Variants in RAP1GAP observed in about 807,000 individuals in gnomAD.
RAP1GAP encodes RAP1 GTPase activating protein, also known as rap1 GTPase-activating protein 1.
RAP1GAP carries 35 observed loss-of-function variants against 87.2 expected under a neutral mutation model. The observed-to-expected ratio is 0.40, with a 90% CI of 0.31 to 0.53. The LOEUF (loss-of-function observed/expected upper bound fraction) is 0.53, where lower values mean the gene tolerates loss of function less well. Ranked by LOEUF, RAP1GAP falls within the 20% of genes least tolerant of loss-of-function variation. The probability of loss-of-function intolerance (pLI) is 0.48; values close to 1 mark genes in which losing one functional copy is unlikely to be tolerated. For synonymous variants in RAP1GAP, 375 were observed against 363.9 expected, an observed-to-expected ratio of 1.03 and a Z score of -0.35; for missense variants, 734 against 898.9, an observed-to-expected ratio of 0.82 and a Z score of 2.35.
intron 1 of RAP1GAP, among the ~76,000 whole-genome samples, chr1:21,659,406 G>C (rs1224531574): frequency 1.3e-5 from 2 of 152,256 alleles, no homozygotes; most frequent in South Asian, 4.2e-4. Flanking sequence ...CCGCGCGCTC[G>C]CCACCCCCCG....
At chr1:21,625,048 C>T (rs2091327184) in intron 3 of RAP1GAP, among the ~76,000 whole-genome samples, 1 of 152,224 alleles carries the variant, frequency 6.6e-6, no homozygotes, top group South Asian at 2.1e-4. Context: ...CCCGGATCCA[C>T]ATGCCCCAGT....
At chr1:21,619,538 C>T (rs940635130) in intron 4 of RAP1GAP, among the ~76,000 whole-genome samples, 16 of 152,080 alleles carry the variant, frequency 1.1e-4, no homozygotes, top group Non-Finnish European at 2.2e-4. Context: ...CCCAGCACCC[C>T]CGGCCCACCT....
At chr1:21,605,594 A>G (rs2148995703) in intron 18 of RAP1GAP, among the ~76,000 whole-genome samples, 1 of 151,678 alleles carries the variant, frequency 6.6e-6, no homozygotes, top group East Asian at 1.9e-4. Flanking sequence ...CCCACAGTAG[A>G]TGCTCACAGA....
Position 21,668,977 on chromosome 1 carries a change from AG to A in RAP1GAP, c.-149+276del, listed in dbSNP as rs1028430870. 2.6e-5 allele frequency among the ~76,000 whole-genome samples: 4 copies of A among 151,264 alleles called. No individual in the cohort carries two copies. Among genetic ancestry groups the A allele is most frequent in the African/African-American group, 7.3e-5 (3 of 41,186 alleles). ...CACCCACCCAGGGGGGTGGGACCAA[AG>A]CCCCCTGGCCGCGGCCTGGACCAAG... On this transcript the variant is annotated intron_variant, in intron 1 of 24. Coordinates refer to ENST00000374765, the MANE Select transcript of RAP1GAP (RefSeq NM_002885.4). This position sits in a 1 kb window ranked among gnomAD's most constrained non-coding sequence, Gnocchi z 6.2.
Position 21,644,089 on chromosome 1 carries a change from G to A in RAP1GAP, c.-113+5672C>T, listed in dbSNP as rs115618987. On this transcript the variant is annotated intron_variant, in intron 2 of 24. Coordinates refer to ENST00000374765, the MANE Select transcript of RAP1GAP (RefSeq NM_002885.4). The stretch of plus-strand genomic sequence containing the variant: ...TCTCAAGATCACACAGCCAAACAGT[G>A]GCAGTCCCAGAGCCACAACGCATGT... Among the ~76,000 whole-genome samples the A allele has an allele frequency of 6.9e-3, 1,047 of 152,258 alleles. 15 individuals carry two copies. Among genetic ancestry groups the A allele is most frequent in the African/African-American group, 0.024 (981 of 41,536 alleles).
At chr1:21,648,688 C>A (rs1008071626) in intron 2 of RAP1GAP, among the ~76,000 whole-genome samples, 1 of 152,220 alleles carries the variant, frequency 6.6e-6, no homozygotes, top group Non-Finnish European at 1.5e-5. Flanking sequence ...TTTATCCCCC[C>A]TCAGTCTACC....
rs2081220782 is a variant in RAP1GAP, at chr1:21,615,202, G to A, written c.292-1113C>T. ...GGAGCCCCCGGGACACAGTGGGAGA[G>A]CGGGCTCAGGGTCCCAGGAAGTCAA... On this transcript the variant is annotated intron_variant, in intron 7 of 24. Coordinates refer to ENST00000374765, the MANE Select transcript of RAP1GAP (RefSeq NM_002885.4). The surrounding 1 kb of genome is among the most constrained non-coding windows in gnomAD (Gnocchi z 4.5). Among the ~76,000 whole-genome samples, 1 of 152,174 alleles carries A rather than the reference G, an allele frequency of 6.6e-6. No homozygotes were observed. Among genetic ancestry groups the A allele is most frequent in the Admixed American group, 6.5e-5 (1 of 15,280 alleles).
chr1:21,642,875 TACAC>T (rs61497285), intron 2 of RAP1GAP, among the ~76,000 whole-genome samples: 7,523 of 134,230 alleles, frequency 0.056, 236 homozygotes, highest in African/African-American at 0.087. Flanking sequence ...CCTTCCCCAC[TACAC>T]ACACACACAC....
At position 21,606,206 on chromosome 1, in the gene RAP1GAP, G is replaced by C. The variant is rs370754972; in HGVS notation, c.1297-9C>G. 3.2e-6 allele frequency: 5 copies of C among 1,574,850 alleles called. No individual in the cohort carries two copies. The highest frequency in any genetic ancestry group is 2.7e-5 in the African/African-American group (2 of 74,606). On this transcript the variant is annotated splice_polypyrimidine_tract_variant and intron_variant, in intron 17 of 24. Transcript: ENST00000374765. Reference sequence around the variant, plus strand: ...CGGCTCCGGATGACCCGCTGTGAAGGGGGTGGCAGTGGAGGAGGCACAGGA... The same window carrying C: ...CGGCTCCGGATGACCCGCTGTGAAGCGGGTGGCAGTGGAGGAGGCACAGGA...
In RAP1GAP at chr1:21,609,735, C is replaced by A. The variant is rs901345865; in HGVS notation, c.1000-89G>T. 3.0e-6 allele frequency: 3 copies of A among 1,007,354 alleles called. No homozygotes were observed. In the African/African-American group the frequency reaches 4.9e-5, roughly 17 times the overall value. The allele number at this position is 1,007,354 out of a possible 1,614,324, so 62.4% of individuals were successfully genotyped here. The stretch of plus-strand genomic sequence containing the variant: ...GAAACCCCTACTGTGCCTCCCTGGA[C>A]TGCCCCTTGGTCGGGGAGACCCAGT... On this transcript the variant is annotated intron_variant, in intron 14 of 24. Coordinates refer to ENST00000374765, the MANE Select transcript of RAP1GAP (RefSeq NM_002885.4). The surrounding 1 kb of genome is among the most constrained non-coding windows in gnomAD (Gnocchi z 4.4).
chr1:21,667,506 C>T (rs2097405415), intron 1 of RAP1GAP: 1 of 152,320 alleles, frequency 6.6e-6, no homozygotes, highest in Non-Finnish European at 1.5e-5. Context: ...CACGGGACAA[C>T]CCTCCCTCCA....
chr1:21,602,840 A>G lies in RAP1GAP; in HGVS notation c.1502T>C (p.Ile501Thr). 1.2e-6 allele frequency: 2 copies of G among 1,610,904 alleles called. No homozygotes were observed. The highest frequency in any genetic ancestry group is 1.7e-6 in the Non-Finnish European group (2 of 1,179,692). ...GPFGSRRSSAIGIENIQEVQE... is the reference protein window; with the variant it reads ...GPFGSRRSSATGIENIQEVQE... ...CACCTCCTGTATGTTCTCGATGCCAATGGCGCTGCTGCGGCGGGAGCCGAA... is the reference window on the plus strand; with the variant it reads ...CACCTCCTGTATGTTCTCGATGCCAGTGGCGCTGCTGCGGCGGGAGCCGAA... The change falls in exon 19 of 25, where the codon ATT becomes ACT. Residue 501 changes from isoleucine (I) to threonine (T), a missense_variant. Physicochemically the swap from Ile to Thr is moderately conservative, Grantham distance 89. Around this residue, in one of 2 missense-constraint regions of RAP1GAP, gnomAD observed 249 missense variants for 252.7 expected, o/e 0.99. Transcript: ENST00000374765.
intron 2 of RAP1GAP, among the ~76,000 whole-genome samples, chr1:21,649,289 A>G (rs1328129414): frequency 6.6e-6 from 1 of 152,060 alleles, no homozygotes; most frequent in Non-Finnish European, 1.5e-5. Context: ...GGGAGTAACT[A>G]GAGGATTTGG....
chr1:21,609,384 A>C lies in RAP1GAP; in HGVS notation c.1071+191T>G, dbSNP rs1166774709. Among the ~76,000 whole-genome samples, 2 of 133,476 alleles carry C rather than the reference A, an allele frequency of 1.5e-5. No individual in the cohort carries two copies. Among genetic ancestry groups the C allele is most frequent in the African/African-American group, 2.9e-5 (1 of 34,858 alleles). 87.6% of individuals were successfully genotyped at this position (133,476 alleles called of 152,430 possible). A position where few individuals can be genotyped will look rare whatever the true frequency, so the allele number is the denominator to read the frequency against. ...AAACAATCGTGTAGTTTATCCTGTG[A>C]CCTTGTGAAAAAAAAAAAAAAGGTG... On this transcript the variant is annotated intron_variant, in intron 15 of 24. Coordinates refer to ENST00000374765, the MANE Select transcript of RAP1GAP (RefSeq NM_002885.4). This position sits in a 1 kb window ranked among gnomAD's most constrained non-coding sequence, Gnocchi z 4.4.
At chr1:21,648,928 G>A (rs1282285274) in intron 2 of RAP1GAP, among the ~76,000 whole-genome samples, 1 of 152,182 alleles carries the variant, frequency 6.6e-6, no homozygotes, top group Admixed American at 6.5e-5. Flanking sequence ...TGCCAGATGG[G>A]AGTCGCCCAG....
chr1:21,629,289 G>A (rs995287079), intron 2 of RAP1GAP, among the ~76,000 whole-genome samples: 1 of 152,140 alleles, frequency 6.6e-6, no homozygotes, highest in African/African-American at 2.4e-5. Context: ...CTTGTGATCA[G>A]GCTAGTCCAG....
intron 18 of RAP1GAP, among the ~76,000 whole-genome samples, chr1:21,605,561 G>A (rs998745759): frequency 4.6e-5 from 7 of 151,776 alleles, no homozygotes; most frequent in Non-Finnish European, 1.0e-4. Flanking sequence ...CACAGTGGGT[G>A]CTCACAGGTA....
chr1:21,613,505 G>T lies in RAP1GAP; in HGVS notation c.474+123C>A, dbSNP rs1002905792. On this transcript the variant is annotated intron_variant, in intron 9 of 24. Transcript: ENST00000374765. This position sits in a 1 kb window ranked among gnomAD's most constrained non-coding sequence, Gnocchi z 4.7. ...TGGGAACAAGTGAGAGACAGCCTCA[G>T]GATAGGGCGGCAGGCCAGGGCTAGG... 1.6e-5 allele frequency: 15 copies of T among 950,874 alleles called. No homozygotes were observed. Among genetic ancestry groups the T allele is most frequent in the Non-Finnish European group, 2.0e-5 (12 of 595,436 alleles). 58.9% of individuals were successfully genotyped at this position (950,874 alleles called of 1,614,324 possible). A position where few individuals can be genotyped will look rare whatever the true frequency, so the allele number is the denominator to read the frequency against.
rs903534220 is a variant in RAP1GAP, at chr1:21,622,028, C to T, written c.-18-1978G>A. 3.3e-5 allele frequency among the ~76,000 whole-genome samples: 5 copies of T among 152,188 alleles called. No homozygotes were observed. The highest frequency in any genetic ancestry group is 9.6e-5 in the African/African-American group (4 of 41,452). On this transcript the variant is annotated intron_variant, in intron 3 of 24. Coordinates refer to ENST00000374765, the MANE Select transcript of RAP1GAP (RefSeq NM_002885.4). This position sits in a 1 kb window ranked among gnomAD's most constrained non-coding sequence, Gnocchi z 5.7. ...GCACCACCACAAAGTGGCCCTGGAG[C>T]ATTCAGAGCCCCCCAAACGGGGCAG...
Sources: allele counts gnomAD v4.1 joint callset (sites outside exome capture counted in the v4.1 genomes callset), GRCh38; gene constraint gnomAD v4.1.1; regional missense constraint gnomAD v4.1.1; non-coding constraint Gnocchi (gnomAD v3.1); transcripts MANE v1.5; gene names NCBI Gene and HGNC (gene_info 2026-07-23, HGNC 2026-07-21).